MBOAT1: variants seen among roughly 807,000 people sequenced by gnomAD.
The protein encoded by MBOAT1 is membrane bound glycerophospholipid O-acyltransferase 1.
MBOAT1 carries 67 observed loss-of-function variants against 64.4 expected under a neutral mutation model. The observed-to-expected ratio is 1.04, with a 90% CI of 0.85 to 1.27. The LOEUF (loss-of-function observed/expected upper bound fraction) is 1.27. MBOAT1 is among the 50% of genes most tolerant of loss of function. The pLI is 0.00. For synonymous variants in MBOAT1, 229 were observed against 218.9 expected (o/e 1.05, Z -0.41); for missense variants, 563 against 604.6 (o/e 0.93, Z 0.72).
At chr6:20,129,465 G>A (rs1246661602) in intron 5 of MBOAT1, among the ~76,000 whole-genome samples, 2 of 152,020 alleles carry the variant, frequency 1.3e-5, no homozygotes, top group Admixed American at 6.5e-5. Flanking sequence ...ATTCAGCTAA[G>A]GCTGAGTAGG....
At chr6:20,107,970 G>A (rs1228337642) in intron 12 of MBOAT1, among the ~76,000 whole-genome samples, 1 of 152,116 alleles carries the variant, frequency 6.6e-6, no homozygotes, top group East Asian at 1.9e-4. Context: ...TTGGCTTGAG[G>A]GCATGGACAA....
At chr6:20,109,857 T>C (rs1477169848) in intron 11 of MBOAT1, 108 bp from the exon 12 acceptor site, 2 of 915,326 alleles carry the variant, frequency 2.2e-6, no homozygotes, top group African/African-American at 3.5e-5. Context: ...CTACAGAAGA[T>C]AACCAACATC....
intron 6 of MBOAT1, 44 bp downstream of exon 6, chr6:20,128,655 T>G: frequency 1.4e-6 from 2 of 1,441,218 alleles, no homozygotes; most frequent in Non-Finnish European, 1.9e-6. Context: ...CTCTAGATAC[T>G]GATATGCAAA....
chr6:20,190,152 G>A (rs541469808), intron 1 of MBOAT1, among the ~76,000 whole-genome samples: 20 of 152,042 alleles, frequency 1.3e-4, no homozygotes, highest in African/African-American at 4.6e-4. Context: ...CCGCCACCAT[G>A]CCTGGCTAAT....
rs762627336 is a variant in MBOAT1 at position 20,130,246 on chromosome 6, G to GAGAGA, written c.475+897_475+898insTCTCT. ...ATCTTCCTCCTTTTCTTGGAACCCAGTTTGAACAATGTAAATCACACTTTC... is the reference window on the plus strand; with the variant it reads ...ATCTTCCTCCTTTTCTTGGAACCCAGAGAGATTTGAACAATGTAAATCACACTTTC... On this transcript the variant is annotated intron_variant, in intron 5 of 12. Transcript: ENST00000324607. Among the ~76,000 whole-genome samples, 78 of 152,320 alleles carry GAGAGA rather than the reference G, an allele frequency of 5.1e-4. No homozygotes were observed. In the Middle Eastern group the frequency reaches 0.014, roughly 27 times the overall value.
chr6:20,194,014 C>T (rs540668494), intron 1 of MBOAT1, among the ~76,000 whole-genome samples: 2 of 152,232 alleles, frequency 1.3e-5, no homozygotes, highest in South Asian at 4.1e-4. Flanking sequence ...AGTGTAACTG[C>T]ATATGACCTT....
rs561530638 is a variant in MBOAT1 at position 20,199,525 on chromosome 6, T to G, written c.99+12611A>C. Among the ~76,000 whole-genome samples the G allele has an allele frequency of 5.9e-5, 9 of 152,244 alleles. No individual in the cohort carries two copies. In the East Asian group the frequency reaches 1.5e-3, roughly 26 times the overall value. On this transcript the variant is annotated intron_variant, in intron 1 of 12. Coordinates refer to ENST00000324607, the MANE Select transcript of MBOAT1 (RefSeq NM_001080480.3). ...AAAAACAAACAAACAAACAAAAAAC[T>G]TAGTCTTTTACTTCCTTTTTGTAAA...
chr6:20,109,832 C>G, intron 11 of MBOAT1, 83 bp from the exon 12 acceptor site: 1 of 1,395,672 alleles, frequency 7.2e-7, no homozygotes, highest in South Asian at 1.5e-5. Context: ...AGATAGTATG[C>G]CACAGGAACA....
intron 4 of MBOAT1, among the ~76,000 whole-genome samples, chr6:20,133,160 T>C (rs765760625): frequency 6.6e-6 from 1 of 152,202 alleles, no homozygotes; most frequent in Non-Finnish European, 1.5e-5. Context: ...TGAAACAAGA[T>C]TGCTAATGTT....
At chr6:20,208,144 T>C (rs780578270) in intron 1 of MBOAT1, among the ~76,000 whole-genome samples, 3 of 152,004 alleles carry the variant, frequency 2.0e-5, no homozygotes, top group Non-Finnish European at 2.9e-5. Flanking sequence ...CAGATCCAGG[T>C]AGGTAAAGAA....
intron 1 of MBOAT1, among the ~76,000 whole-genome samples, chr6:20,210,331 G>T (rs141046225): frequency 6.6e-6 from 1 of 152,104 alleles, no homozygotes; most frequent in African/African-American, 2.4e-5. Flanking sequence ...ATGTGAAAGG[G>T]AAAAAACACA....
chr6:20,145,370 T>C (rs1188447093), intron 3 of MBOAT1, among the ~76,000 whole-genome samples: 1 of 152,224 alleles, frequency 6.6e-6, no homozygotes, highest in Non-Finnish European at 1.5e-5. Context: ...CTGTTGTTTA[T>C]AAGCCACCCA....
intron 1 of MBOAT1, among the ~76,000 whole-genome samples, chr6:20,177,725 G>A (rs908181898): frequency 6.9e-6 from 1 of 145,390 alleles, no homozygotes; most frequent in Non-Finnish European, 1.5e-5. Flanking sequence ...AGTGAGCCGA[G>A]ATCGTGCCAC....
chr6:20,212,139 G>C lies in MBOAT1; in HGVS notation c.96C>G (p.Asp32Glu), dbSNP rs144286877. Reference sequence around the variant, plus strand: ...TGCGCTCCCGGCCTGCAGTTACCTGGTCCAGCGGGATGCCCAGGAGCTCGC... The same window carrying C: ...TGCGCTCCCGGCCTGCAGTTACCTGCTCCAGCGGGATGCCCAGGAGCTCGC... Reference protein sequence around the residue: ...PLSELLGIPLDQVNFVVCQLV... With the variant: ...PLSELLGIPLEQVNFVVCQLV... The change falls in exon 1 of 13, where the codon GAC becomes GAG. Residue 32 changes from aspartate to glutamate, a missense_variant. Transcript: ENST00000324607. 1.2e-6 allele frequency: 2 copies of C among 1,613,408 alleles called. No homozygotes were observed. Among genetic ancestry groups the C allele is most frequent in the African/African-American group, 2.7e-5 (2 of 75,030 alleles).
Position 20,208,694 on chromosome 6 carries a change from G to GA in MBOAT1, c.99+3441_99+3442insT, listed in dbSNP as rs1221097575. Among the ~76,000 whole-genome samples the GA allele has an allele frequency of 6.0e-3, 899 of 150,074 alleles. 10 individuals carry two copies. Among genetic ancestry groups the GA allele is most frequent in the African/African-American group, 0.02 (813 of 40,906 alleles). On this transcript the variant is annotated intron_variant, in intron 1 of 12. Coordinates refer to ENST00000324607, the MANE Select transcript of MBOAT1 (RefSeq NM_001080480.3). ...TTTTTCTGCTGATGCCAAATTAGGG[G>GA]GAAAAAAAAATACCTCAGAGAGTCC...
chr6:20,141,250 A>T (rs1761161261), intron 4 of MBOAT1, among the ~76,000 whole-genome samples: 1 of 152,044 alleles, frequency 6.6e-6, no homozygotes, highest in South Asian at 2.1e-4. Flanking sequence ...ACTTTTCTGC[A>T]TTGTACAGTG....
At position 20,181,489 on chromosome 6, in the gene MBOAT1, C is replaced by A. The variant is rs12662971; in HGVS notation, c.100-28720G>T. On this transcript the variant is annotated intron_variant, in intron 1 of 12. Transcript: ENST00000324607. ...CATCTGTTTTCTTCTTTCTTGAACT[C>A]CAATATGGATGGAAAGTAGTCACAG... 9.2e-5 allele frequency among the ~76,000 whole-genome samples: 14 copies of A among 152,288 alleles called. No homozygotes were observed. The East Asian group carries it at 2.3e-3, about 25-fold the overall frequency.
At position 20,100,589 on chromosome 6, in the gene MBOAT1, AG is replaced by A. The variant is rs1372417954; in HGVS notation, c.*1696del. ...CACCAGGACTGTTTACATGCTGTAG[AG>A]GAACAGGCACATCACATTCACATTT... On this transcript the variant is annotated 3_prime_UTR_variant, in exon 13 of 13. Coordinates refer to ENST00000324607, the MANE Select transcript of MBOAT1 (RefSeq NM_001080480.3). Among the ~76,000 whole-genome samples the A allele has an allele frequency of 6.6e-6, 1 of 152,212 alleles. No individual in the cohort carries two copies. The highest frequency in any genetic ancestry group is 1.5e-5 in the Non-Finnish European group (1 of 68,036).
At chr6:20,190,139 C>T (rs1200878805) in intron 1 of MBOAT1, among the ~76,000 whole-genome samples, 1 of 152,030 alleles carries the variant, frequency 6.6e-6, no homozygotes, top group East Asian at 1.9e-4. Context: ...GGACTACAGG[C>T]ACCCGCCACC....
Sources: allele counts gnomAD v4.1 joint callset (sites outside exome capture counted in the v4.1 genomes callset), GRCh38; gene constraint gnomAD v4.1.1; transcripts MANE v1.5; gene names NCBI Gene and HGNC (gene_info 2026-07-23, HGNC 2026-07-21).